STK32B: variants seen among roughly 807,000 people sequenced by gnomAD.
STK32B encodes the protein serine/threonine-protein kinase 32B.
A neutral mutation model predicts 52.6 loss-of-function variants in STK32B; 43 were observed. The ratio of observed to expected loss-of-function variants is 0.82; its 90% CI spans 0.64 to 1.05. The LOEUF (loss-of-function observed/expected upper bound fraction) is 1.05, where lower values mean the gene tolerates loss of function less well. Ranked by LOEUF, STK32B falls within the 50% of genes least tolerant of loss-of-function variation. The pLI is 0.00. For missense variants in STK32B, 621 were observed against 534.6 expected (o/e 1.16, Z -1.59); for synonymous variants, 238 against 204.3 (o/e 1.17, Z -1.41).
Position 5,337,338 on chromosome 4 carries a change from C to T in STK32B, c.434+5945C>T, listed in dbSNP as rs549714771. ...AAGGCAGCGCAGACACGCTATTCAA[C>T]CATGTGTGAGGGTATACATTTTCCC... On this transcript the variant is annotated intron_variant, in intron 4 of 11. Transcript: ENST00000282908. Among the ~76,000 whole-genome samples, 26 of 152,164 alleles carry T rather than the reference C, an allele frequency of 1.7e-4. No individual in the cohort carries two copies. In the South Asian group the frequency reaches 3.1e-3, roughly 18 times the overall value.
rs577072643 is a variant in STK32B at position 5,161,111 on chromosome 4, G to T, written c.109-7188G>T. Among the ~76,000 whole-genome samples the T allele has an allele frequency of 2.0e-5, 3 of 152,296 alleles. No individual in the cohort carries two copies. In the South Asian group the frequency reaches 6.2e-4, roughly 32 times the overall value. The stretch of plus-strand genomic sequence containing the variant: ...CATTATACCTCGGGTTCCCAGGGGA[G>T]AGTGATGTCCTCATGGCTGACATGG... On this transcript the variant is annotated intron_variant, in intron 2 of 11. Coordinates refer to ENST00000282908, the MANE Select transcript of STK32B (RefSeq NM_018401.3).
chr4:5,485,395 G>A (rs1314090241), intron 11 of STK32B, among the ~76,000 whole-genome samples: 2 of 151,988 alleles, frequency 1.3e-5, no homozygotes, highest in Non-Finnish European at 2.9e-5. Flanking sequence ...ACTGAGGCTT[G>A]TGCATTCGTC....
At chr4:5,200,628 G>GAA (rs1302879662) in intron 3 of STK32B, among the ~76,000 whole-genome samples, 1 of 152,172 alleles carries the variant, frequency 6.6e-6, no homozygotes, top group East Asian at 1.9e-4. Context: ...AAGCAGGTTT[G>GAA]AAAAACTAGG....
chr4:5,217,963 C>G (rs1723281296), intron 3 of STK32B, among the ~76,000 whole-genome samples: 1 of 152,106 alleles, frequency 6.6e-6, no homozygotes, highest in Admixed American at 6.5e-5. Context: ...CATAGAAGGC[C>G]TCAGGCTTTC....
At chr4:5,280,335 G>A (rs1728110947) in intron 3 of STK32B, among the ~76,000 whole-genome samples, 1 of 152,048 alleles carries the variant, frequency 6.6e-6, no homozygotes, top group Non-Finnish European at 1.5e-5. Flanking sequence ...CTCCATCTGA[G>A]ACCTCCTCAG....
At chr4:5,275,409 A>G (rs933616227) in intron 3 of STK32B, among the ~76,000 whole-genome samples, 1 of 152,178 alleles carries the variant, frequency 6.6e-6, no homozygotes, top group African/African-American at 2.4e-5. Flanking sequence ...CCACTAATCA[A>G]TTTTGATGCA....
upstream of STK32B, among the ~76,000 whole-genome samples, chr4:5,048,287 G>A (rs1741655645): frequency 1.3e-5 from 2 of 148,940 alleles, no homozygotes; most frequent in Admixed American, 1.3e-4. Flanking sequence ...ATACCACCAT[G>A]CCTGGCTAAT....
At chr4:5,483,816 T>C (rs1382394834) in intron 11 of STK32B, among the ~76,000 whole-genome samples, 1 of 152,166 alleles carries the variant, frequency 6.6e-6, no homozygotes, top group Middle Eastern at 3.2e-3. Context: ...TCAAAGAACA[T>C]CTTTATTTCT....
intron 3 of STK32B, among the ~76,000 whole-genome samples, chr4:5,316,293 T>G (rs1304571595): frequency 1.6e-5 from 1 of 62,168 alleles, no homozygotes; most frequent in Non-Finnish European, 2.5e-5. Context: ...ATATACAATA[T>G]TATATATAAT....
intron 4 of STK32B, among the ~76,000 whole-genome samples, chr4:5,333,664 G>C (rs757037781): frequency 6.6e-6 from 1 of 152,178 alleles, no homozygotes; most frequent in Non-Finnish European, 1.5e-5. Context: ...TAAGGTGTAA[G>C]GAAGGGATCC....
intron 2 of STK32B, among the ~76,000 whole-genome samples, chr4:5,166,186 C>T (rs563329711): frequency 1.3e-5 from 2 of 152,144 alleles, no homozygotes; most frequent in African/African-American, 4.8e-5. Flanking sequence ...TCGCTGGGTC[C>T]TCAAGCCAAC....
intron 3 of STK32B, among the ~76,000 whole-genome samples, chr4:5,321,581 T>C (rs1560318130): frequency 6.6e-6 from 1 of 152,194 alleles, no homozygotes; most frequent in African/African-American, 2.4e-5. Context: ...TGTACATTTT[T>C]CCCACTATCT....
intron 4 of STK32B, among the ~76,000 whole-genome samples, chr4:5,357,007 G>GTATA (rs140670209): frequency 8.0e-4 from 112 of 140,218 alleles, no homozygotes; most frequent in African/African-American, 2.7e-3. Context: ...TCTCATATGT[G>GTATA]TATATATATA....
At chr4:5,305,613 A>G (rs923302294) in intron 3 of STK32B, among the ~76,000 whole-genome samples, 20 of 151,982 alleles carry the variant, frequency 1.3e-4, no homozygotes, top group Non-Finnish European at 2.5e-4. Context: ...AACCATACTA[A>G]TGGTCTATCA....
chr4:5,048,296 ATTT>A (rs934389483), upstream of STK32B, among the ~76,000 whole-genome samples: 2 of 111,854 alleles, frequency 1.8e-5, no homozygotes, highest in Non-Finnish European at 3.7e-5. Flanking sequence ...TGCCTGGCTA[ATTT>A]TTTTTTTTTT....
At chr4:5,143,653 G>A (rs1212904092) in intron 2 of STK32B, among the ~76,000 whole-genome samples, 2 of 152,122 alleles carry the variant, frequency 1.3e-5, no homozygotes, top group Non-Finnish European at 2.9e-5. Context: ...CGCCTCCACT[G>A]TCTTTCCACA....
chr4:5,027,894 G>A, the STK32B span, among the ~76,000 whole-genome samples: 1 of 152,180 alleles, frequency 6.6e-6, no homozygotes, highest in Non-Finnish European at 1.5e-5. Context: ...GCTGGGAGAT[G>A]GATGGAGGAA....
At chr4:5,113,419 A>G (rs1433486271) in intron 1 of STK32B, among the ~76,000 whole-genome samples, 1 of 152,182 alleles carries the variant, frequency 6.6e-6, no homozygotes, top group Non-Finnish European at 1.5e-5. Flanking sequence ...ATAGACCAAG[A>G]CACCGTGTGA....
At chr4:5,192,965 G>A (rs1296024430) in intron 3 of STK32B, among the ~76,000 whole-genome samples, 4 of 152,158 alleles carry the variant, frequency 2.6e-5, no homozygotes, top group East Asian at 3.9e-4. Context: ...TGCCCAGTCC[G>A]GCCTTCGGAT....
Sources: gnomAD v4.1 joint callset for allele counts (sites outside exome capture counted in the v4.1 genomes callset) on GRCh38, gnomAD v4.1.1 for gene constraint, MANE v1.5 for transcripts, NCBI Gene and HGNC (gene_info 2026-07-23, HGNC 2026-07-21) for gene names.